Variants in WNT3A observed in about 807,000 individuals in gnomAD.
WNT3A encodes protein Wnt-3a.
WNT3A carries 17 observed loss-of-function variants against 37.0 expected under a neutral mutation model. The ratio of observed to expected loss-of-function variants is 0.46; its 90% CI spans 0.31 to 0.69. WNT3A has a LOEUF of 0.69. Ranked by LOEUF, WNT3A falls within the 30% of genes least tolerant of loss-of-function variation. WNT3A has a pLI of 0.05. For synonymous variants in WNT3A, 187 were observed against 211.0 expected, an observed-to-expected ratio of 0.89 and a Z score of 0.99; for missense variants, 411 against 510.2, an observed-to-expected ratio of 0.81 and a Z score of 1.87.
intron 2 of WNT3A, among the ~76,000 whole-genome samples, chr1:228,045,803 G>A (rs2031390247): frequency 1.3e-5 from 2 of 152,188 alleles, no homozygotes; most frequent in South Asian, 4.1e-4. Flanking sequence ...GAGGGGCAAG[G>A]GTGGGTCTGC....
intron 1 of WNT3A, among the ~76,000 whole-genome samples, chr1:228,021,819 C>T (rs962638835): frequency 3.3e-5 from 5 of 152,242 alleles, no homozygotes; most frequent in Admixed American, 2.6e-4. Context: ...CATCCCTTCT[C>T]TGGGCAGCCC....
rs532455513 is a variant in WNT3A at position 228,058,350 on chromosome 1, GCCCCTTCACGCTCAC to G, written c.580-632_580-618del. Among the ~76,000 whole-genome samples the G allele has an allele frequency of 3.6e-3, 547 of 152,284 alleles. 3 individuals carry two copies. Among genetic ancestry groups the G allele is most frequent in the Non-Finnish European group, 5.5e-3 (371 of 68,018 alleles). On this transcript the variant is annotated intron_variant, in intron 3 of 3. Transcript: ENST00000284523. ...ACCTAGACTGTTCTGATGTTCACATGCCCCTTCACGCTCACCCCTACCCCTTCCCCAAAGAAAGAA... is the reference window on the plus strand; with the variant it reads ...ACCTAGACTGTTCTGATGTTCACATGCCCTACCCCTTCCCCAAAGAAAGAA...
At chr1:228,046,213 T>C (rs1488248329) in intron 2 of WNT3A, among the ~76,000 whole-genome samples, 2 of 152,228 alleles carry the variant, frequency 1.3e-5, no homozygotes, top group African/African-American at 2.4e-5. Flanking sequence ...CAAACTGGCA[T>C]TGGGCGAAGA....
At chr1:228,024,795 A>G (rs1459364384) in intron 2 of WNT3A, among the ~76,000 whole-genome samples, 4 of 152,196 alleles carry the variant, frequency 2.6e-5, no homozygotes, top group Non-Finnish European at 5.9e-5. Context: ...TATTTAATCT[A>G]TTTTGAGCTC....
At chr1:228,023,159 A>C (rs577278907) in intron 2 of WNT3A, among the ~76,000 whole-genome samples, 3 of 152,220 alleles carry the variant, frequency 2.0e-5, no homozygotes, top group African/African-American at 7.2e-5. Context: ...GACTCCAACC[A>C]TGGCCAGTGG....
chr1:228,059,382 A>C lies in WNT3A; in HGVS notation c.976A>C (p.Lys326Gln), dbSNP rs757311204. ...CGCGCGAGCGGAGCGGCGCCGGGAG[A>C]AGTGCCGCTGCGTGTTCCACTGGTG... Reference protein sequence around the residue: ...HNARAERRREKCRCVFHWCCY... With the variant: ...HNARAERRREQCRCVFHWCCY... Residue 326 changes from lysine to glutamine, a missense_variant, in exon 4 of 4, where the codon AAG becomes CAG. By Grantham distance (53) the Lys-to-Gln change is moderately conservative. Transcript: ENST00000284523. The C allele has an allele frequency of 6.4e-7, 1 of 1,561,722 alleles. No individual in the cohort carries two copies.
intron 1 of WNT3A, among the ~76,000 whole-genome samples, chr1:228,016,665 A>G (rs1323259515): frequency 6.6e-6 from 1 of 152,178 alleles, no homozygotes; most frequent in Admixed American, 6.5e-5. Flanking sequence ...ATTGCTATAA[A>G]GGAATGCCTG....
chr1:228,032,528 C>A (rs754106950), intron 2 of WNT3A, among the ~76,000 whole-genome samples: 6 of 152,232 alleles, frequency 3.9e-5, no homozygotes, highest in Non-Finnish European at 7.3e-5. Context: ...TATACCAGAA[C>A]TTCCTTCCCT....
chr1:228,029,721 A>G (rs1336545609), intron 2 of WNT3A, among the ~76,000 whole-genome samples: 1 of 151,188 alleles, frequency 6.6e-6, no homozygotes, highest in Non-Finnish European at 1.5e-5. Flanking sequence ...TCCCCGCAAT[A>G]GTATGAATGC....
chr1:228,007,061 G>A lies in WNT3A; in HGVS notation c.-68G>A, dbSNP rs2030214138. On this transcript the variant is annotated 5_prime_UTR_variant, in exon 1 of 4. Coordinates refer to ENST00000284523, the MANE Select transcript of WNT3A (RefSeq NM_033131.4). This position sits in a 1 kb window ranked among gnomAD's most constrained non-coding sequence, Gnocchi z 6.0. ...CGACGCCGCCGCGCCAGCTCCCAGG[G>A]CCCGGCCCCCCCCGGCGCTCACGCT... 5 of 1,307,612 alleles carry A rather than the reference G, an allele frequency of 3.8e-6. No homozygotes were observed. Among genetic ancestry groups the A allele is most frequent in the Non-Finnish European group, 5.1e-6 (5 of 986,556 alleles). The allele number at this position is 1,307,612 out of a possible 1,614,324, so 81.0% of individuals were successfully genotyped here.
chr1:228,018,468 C>T (rs1571794718), intron 1 of WNT3A, among the ~76,000 whole-genome samples: 1 of 151,658 alleles, frequency 6.6e-6, no homozygotes, highest in South Asian at 2.1e-4. Flanking sequence ...TCAGAGCTCA[C>T]TGTGGCCTTG....
At chr1:228,010,433 C>T (rs1003885271) in intron 1 of WNT3A, among the ~76,000 whole-genome samples, 4 of 152,194 alleles carry the variant, frequency 2.6e-5, no homozygotes, top group African/African-American at 9.6e-5. Context: ...TGGGCTGTGG[C>T]ACTCCCGCCA....
chr1:228,007,061 G>T lies in WNT3A; in HGVS notation c.-68G>T, dbSNP rs2030214138. 4.6e-6 allele frequency: 6 copies of T among 1,307,616 alleles called. No homozygotes were observed. The highest frequency in any genetic ancestry group is 6.1e-6 in the Non-Finnish European group (6 of 986,560). The allele number at this position is 1,307,616 out of a possible 1,614,324, so 81.0% of individuals were successfully genotyped here. On this transcript the variant is annotated 5_prime_UTR_variant, in exon 1 of 4. Transcript: ENST00000284523. This position sits in a 1 kb window ranked among gnomAD's most constrained non-coding sequence, Gnocchi z 6.0. Reference sequence around the variant, plus strand: ...CGACGCCGCCGCGCCAGCTCCCAGGGCCCGGCCCCCCCCGGCGCTCACGCT... The same window carrying T: ...CGACGCCGCCGCGCCAGCTCCCAGGTCCCGGCCCCCCCCGGCGCTCACGCT...
intron 1 of WNT3A, among the ~76,000 whole-genome samples, chr1:228,015,965 A>T (rs1268286606): frequency 6.6e-6 from 1 of 152,136 alleles, no homozygotes. Context: ...GCCTGAGGCC[A>T]TGAGCAGGCA....
intron 3 of WNT3A, among the ~76,000 whole-genome samples, chr1:228,055,082 T>C (rs143994173): frequency 0.019 from 2,647 of 140,688 alleles, 63 homozygotes; most frequent in African/African-American, 0.051. Context: ...TGTGGTGAGC[T>C]GAGAGTGCAC....
rs1354445778 is a variant in WNT3A, at chr1:228,008,778, C to G, written c.71+1579C>G. On this transcript the variant is annotated intron_variant, in intron 1 of 3. Coordinates refer to ENST00000284523, the MANE Select transcript of WNT3A (RefSeq NM_033131.4). This position sits in a 1 kb window ranked among gnomAD's most constrained non-coding sequence, Gnocchi z 4.9. ...GAAGCTCCTTCGCCCCGCGCCCTTC[C>G]CATAAATGTCGCCAGCCTCCTGGCA... Among the ~76,000 whole-genome samples the G allele has an allele frequency of 6.6e-6, 1 of 152,162 alleles. No homozygotes were observed. The highest frequency in any genetic ancestry group is 2.4e-5 in the African/African-American group (1 of 41,446).
rs1201551494 is a variant in WNT3A, at chr1:228,055,176, AAAAATATATATATATATATAT to A, written c.580-3808_580-3788del. 5.3e-3 allele frequency among the ~76,000 whole-genome samples: 311 copies of A among 59,080 alleles called. 11 individuals carry two copies. The highest frequency in any genetic ancestry group is 0.019 in the African/African-American group (252 of 13,550). The allele number at this position is 59,080 out of a possible 152,430, so 38.8% of individuals were successfully genotyped here. A position where few individuals can be genotyped will look rare whatever the true frequency, so the allele number is the denominator to read the frequency against. ...TCCGTCCCAAAAAAAAAAAAAAAAA[AAAAATATATATATATATATAT>A]ATATATATATATATATATATATACA... On this transcript the variant is annotated intron_variant, in intron 3 of 3. Transcript: ENST00000284523.
At chr1:228,055,179 A>AAAAAAT (rs2031655964) in intron 3 of WNT3A, among the ~76,000 whole-genome samples, 4 of 19,280 alleles carry the variant, frequency 2.1e-4, no homozygotes, top group African/African-American at 4.4e-4. Context: ...AAAAAAAAAA[A>AAAAAAT]ATATATATAT....
chr1:228,013,069 G>C (rs2030421153), intron 1 of WNT3A, among the ~76,000 whole-genome samples: 1 of 152,112 alleles, frequency 6.6e-6, no homozygotes, highest in African/African-American at 2.4e-5. Flanking sequence ...GTAGAGATGG[G>C]TTTCTCTCTC....
Sources: gnomAD v4.1 joint callset for allele counts (sites outside exome capture counted in the v4.1 genomes callset) on GRCh38, gnomAD v4.1.1 for gene constraint, Gnocchi (gnomAD v3.1) non-coding constraint, MANE v1.5 for transcripts, NCBI Gene and HGNC (gene_info 2026-07-23, HGNC 2026-07-21) for gene names.